The following ATP10B variants were observed in gnomAD, a reference collection of about 807,000 sequenced individuals.
The protein encoded by ATP10B is ATPase phospholipid transporting 10B (putative).
A neutral mutation model predicts 141.2 loss-of-function variants in ATP10B; 122 were observed. The ratio of observed to expected loss-of-function variants is 0.86; its 90% CI spans 0.75 to 1.00. The LOEUF is 1.00. Among genes scored for constraint, ATP10B ranks in the 50% least tolerant of loss-of-function variants. The probability of loss-of-function intolerance (pLI) is 0.00; values close to 1 mark genes in which losing one functional copy is unlikely to be tolerated. For synonymous variants in ATP10B, 685 were observed against 692.0 expected, an observed-to-expected ratio of 0.99 and a Z score of 0.16; for missense variants, 1,876 against 1,825.3, an observed-to-expected ratio of 1.03 and a Z score of -0.51.
chr5:160,679,055 G>T (rs1763216936), intron 6 of ATP10B, among the ~76,000 whole-genome samples: 1 of 152,180 alleles, frequency 6.6e-6, no homozygotes, highest in Non-Finnish European at 1.5e-5. Context: ...AACACATGGG[G>T]CCCCAACTGC....
chr5:160,604,130 A>AT (rs770860552), intron 19 of ATP10B, 89 bp from the exon 20 acceptor site: 5 of 920,418 alleles, frequency 5.4e-6, no homozygotes, highest in Non-Finnish European at 7.2e-6. Context: ...GTTACATACA[A>AT]TTGAATCCTT....
At chr5:160,756,357 GAT>G (rs1390219721) in intron 2 of ATP10B, among the ~76,000 whole-genome samples, 1 of 152,124 alleles carries the variant, frequency 6.6e-6, no homozygotes. Context: ...TCTTTGTGAG[GAT>G]ATGTTTTTCT....
At chr5:160,664,509 A>G (rs1319149126) in intron 7 of ATP10B, among the ~76,000 whole-genome samples, 1 of 152,232 alleles carries the variant, frequency 6.6e-6, no homozygotes, top group Non-Finnish European at 1.5e-5. Flanking sequence ...AACCTGAGCA[A>G]CAAACAGATA....
chr5:160,698,669 T>C lies in ATP10B; in HGVS notation c.-204-9726A>G, dbSNP rs188538076. On this transcript the variant is annotated intron_variant, in intron 3 of 25. Coordinates refer to ENST00000327245, the MANE Select transcript of ATP10B (RefSeq NM_025153.3). ...CAGTGATGCAGAGTCCCTGACATAATAAAATGGTTGGGAGATGAGATATAT... is the reference window on the plus strand; with the variant it reads ...CAGTGATGCAGAGTCCCTGACATAACAAAATGGTTGGGAGATGAGATATAT... Among the ~76,000 whole-genome samples the C allele has an allele frequency of 1.9e-3, 284 of 151,684 alleles. 3 individuals are homozygous for C. The highest frequency in any genetic ancestry group is 6.5e-3 in the African/African-American group (270 of 41,442).
intron 6 of ATP10B, among the ~76,000 whole-genome samples, chr5:160,671,755 A>T (rs948126008): frequency 1.3e-5 from 2 of 152,198 alleles, no homozygotes; most frequent in African/African-American, 4.8e-5. Context: ...AATAACCCAC[A>T]GGAGTAGATA....
intron 7 of ATP10B, among the ~76,000 whole-genome samples, chr5:160,661,624 A>G (rs1156674349): frequency 1.3e-5 from 2 of 152,192 alleles, no homozygotes; most frequent in African/African-American, 4.8e-5. Context: ...AATGTATCAT[A>G]TTATTCTCTC....
At chr5:160,777,995 C>G (rs369901674) in intron 2 of ATP10B, among the ~76,000 whole-genome samples, 30 of 152,036 alleles carry the variant, frequency 2.0e-4, no homozygotes, top group East Asian at 1.5e-3. Flanking sequence ...AAGGGGCATC[C>G]ACATGTGAAT....
At chr5:160,572,718 TAGAG>T (rs944891043) in intron 24 of ATP10B, among the ~76,000 whole-genome samples, 5 of 152,210 alleles carry the variant, frequency 3.3e-5, no homozygotes, top group East Asian at 1.9e-4. Flanking sequence ...AAGAGAGTCA[TAGAG>T]AGGAGAATTC....
chr5:160,589,741 C>G (rs772141274), intron 23 of ATP10B, 45 bp from the exon 24 acceptor site: 2 of 1,454,636 alleles, frequency 1.4e-6, no homozygotes, highest in Non-Finnish European at 1.9e-6. Context: ...TGTCTGTGGA[C>G]TAACTTTGGC....
the ATP10B span, among the ~76,000 whole-genome samples, chr5:160,894,458 C>G: frequency 1.3e-5 from 2 of 151,574 alleles, no homozygotes; most frequent in Non-Finnish European, 2.9e-5. Context: ...ATATCAGAGA[C>G]TGAATATCAA....
At chr5:160,704,921 T>TTTTTTTC in intron 3 of ATP10B, among the ~76,000 whole-genome samples, 2 of 130,374 alleles carry the variant, frequency 1.5e-5, no homozygotes, top group African/African-American at 6.3e-5. Context: ...CATCTTTTTT[T>TTTTTTTC]TTTTTTTTTT....
chr5:160,575,623 T>C (rs1755144165), intron 24 of ATP10B, among the ~76,000 whole-genome samples: 1 of 152,160 alleles, frequency 6.6e-6, no homozygotes, highest in Admixed American at 6.6e-5. Flanking sequence ...CCTAGGATTC[T>C]ATCTAGGATT....
At chr5:160,716,572 C>G (rs911167395) in intron 3 of ATP10B, among the ~76,000 whole-genome samples, 3 of 152,088 alleles carry the variant, frequency 2.0e-5, no homozygotes, top group Non-Finnish European at 2.9e-5. Flanking sequence ...TAAAGTTGAG[C>G]AAAAAGTTCC....
intron 7 of ATP10B, among the ~76,000 whole-genome samples, chr5:160,667,415 G>A (rs1225671715): frequency 6.6e-6 from 1 of 151,928 alleles, no homozygotes; most frequent in African/African-American, 2.4e-5. Context: ...GAGGATAGAC[G>A]AGATAATCAT....
chr5:160,785,802 G>A lies in ATP10B; in HGVS notation c.-574C>T. ...GGTTCTGATTCTCTTGTCAAAGGAA[G>A]CCTGCACGACACAGGACAGAAAAGA... On this transcript the variant is annotated splice_region_variant and 5_prime_UTR_variant, in exon 2 of 26. Coordinates refer to ENST00000327245, the MANE Select transcript of ATP10B (RefSeq NM_025153.3). 1.8e-6 allele frequency: 1 copy of A among 557,812 alleles called. No homozygotes were observed. The highest frequency in any genetic ancestry group is 2.0e-5 in the South Asian group (1 of 49,898). The allele number at this position is 557,812 out of a possible 1,614,324, so 34.6% of individuals were successfully genotyped here. A position where few individuals can be genotyped will look rare whatever the true frequency, so the allele number is the denominator to read the frequency against.
intron 1 of ATP10B, among the ~76,000 whole-genome samples, chr5:160,823,502 G>T (rs1304858640): frequency 6.6e-6 from 1 of 152,114 alleles, no homozygotes; most frequent in African/African-American, 2.4e-5. Flanking sequence ...ATTTACCTAT[G>T]TAACAAACTT....
At chr5:160,615,663 G>C (rs921408176) in intron 17 of ATP10B, among the ~76,000 whole-genome samples, 175 bp downstream of exon 17, 2 of 152,078 alleles carry the variant, frequency 1.3e-5, no homozygotes, top group African/African-American at 4.8e-5. Context: ...AGGAAGCTGT[G>C]TGTGGTGTCT....
At chr5:160,676,568 T>C (rs1465033899) in intron 6 of ATP10B, among the ~76,000 whole-genome samples, 3 of 152,204 alleles carry the variant, frequency 2.0e-5, no homozygotes, top group East Asian at 1.9e-4. Context: ...TATATTTCTA[T>C]ATGCACATAG....
At chr5:160,715,688 C>CTATTTA (rs1554107208) in intron 3 of ATP10B, among the ~76,000 whole-genome samples, 2 of 141,664 alleles carry the variant, frequency 1.4e-5, no homozygotes, top group Non-Finnish European at 3.0e-5. Flanking sequence ...ATTTAGCTTG[C>CTATTTA]TTTATTTATT....
Sources: allele counts gnomAD v4.1 joint callset (sites outside exome capture counted in the v4.1 genomes callset), GRCh38; gene constraint gnomAD v4.1.1; transcripts MANE v1.5; gene names NCBI Gene and HGNC (gene_info 2026-07-23, HGNC 2026-07-21).